The following FRMD3 variants were observed in gnomAD, a reference collection of about 807,000 sequenced individuals.
FRMD3 encodes the protein FERM domain containing 3, also known as FERM domain-containing protein 3.
In FRMD3, 33 loss-of-function variants were observed where a neutral mutation model predicts 70.2. The observed-to-expected ratio is 0.47, with a 90% CI of 0.36 to 0.63. FRMD3 has a LOEUF of 0.63. FRMD3 is among the 20% of genes least tolerant of loss of function. FRMD3 has a pLI of 0.00. For missense variants in FRMD3, 632 were observed against 711.4 expected (o/e 0.89, Z 1.27); for synonymous variants, 279 against 255.9 (o/e 1.09, Z -0.86).
chr9:83,367,223 A>T (rs557210473), intron 3 of FRMD3, among the ~76,000 whole-genome samples: 1 of 152,208 alleles, frequency 6.6e-6, no homozygotes, highest in Non-Finnish European at 1.5e-5. Flanking sequence ...CTCAGTCCAC[A>T]TTTGTACCTA....
At chr9:83,388,417 T>C (rs1163598877) in intron 2 of FRMD3, among the ~76,000 whole-genome samples, 2 of 152,044 alleles carry the variant, frequency 1.3e-5, no homozygotes, top group Non-Finnish European at 2.9e-5. Context: ...GGTGACCCCT[T>C]CACACACTAT....
At chr9:83,347,674 G>A (rs916739612) in intron 4 of FRMD3, among the ~76,000 whole-genome samples, 1 of 152,116 alleles carries the variant, frequency 6.6e-6, no homozygotes, top group Non-Finnish European at 1.5e-5. Flanking sequence ...GCATGGTCAT[G>A]AATATGATCG....
chr9:83,456,435 T>A (rs28526193), intron 1 of FRMD3, among the ~76,000 whole-genome samples: 94 of 152,234 alleles, frequency 6.2e-4, no homozygotes, highest in African/African-American at 2.2e-3. Context: ...AACTGTTGAG[T>A]CAGAGAGAGA....
At position 83,479,719 on chromosome 9, in the gene FRMD3, AG is replaced by A. The variant is rs1828508896; in HGVS notation, c.147+58365del. 2.8e-5 allele frequency among the ~76,000 whole-genome samples: 2 copies of A among 72,188 alleles called. 1 individual carries two copies. Among genetic ancestry groups the A allele is most frequent in the Non-Finnish European group, 5.4e-5 (2 of 36,998 alleles). 47.4% of individuals were successfully genotyped at this position (72,188 alleles called of 152,430 possible). A position where few individuals can be genotyped will look rare whatever the true frequency, so the allele number is the denominator to read the frequency against. ...AAGAAAGAAAGAAAGAAAGAAAGAAAGAAAAGAAAGGGAAAGAAAGAAAAAG... is the reference window on the plus strand; with the variant it reads ...AAGAAAGAAAGAAAGAAAGAAAGAAAAAAAGAAAGGGAAAGAAAGAAAAAG... On this transcript the variant is annotated intron_variant, in intron 1 of 13. Coordinates refer to ENST00000304195, the MANE Select transcript of FRMD3 (RefSeq NM_174938.6).
At chr9:83,309,970 T>A (rs1289169633) in intron 9 of FRMD3, among the ~76,000 whole-genome samples, 1 of 152,176 alleles carries the variant, frequency 6.6e-6, no homozygotes, top group Non-Finnish European at 1.5e-5. Context: ...TGAAAACTCA[T>A]GACAAGAAAA....
intron 1 of FRMD3, among the ~76,000 whole-genome samples, chr9:83,464,633 T>C (rs917843694): frequency 6.6e-6 from 1 of 152,100 alleles, no homozygotes; most frequent in Non-Finnish European, 1.5e-5. Flanking sequence ...GACCTACAAC[T>C]CTTTCTGGTG....
At chr9:83,299,266 G>C (rs1022619217) in intron 10 of FRMD3, 80 bp from the exon 11 acceptor site, 4 of 802,282 alleles carry the variant, frequency 5.0e-6, no homozygotes, top group Non-Finnish European at 8.3e-6. Flanking sequence ...TGGTGATGGG[G>C]TATTTTTACT....
At chr9:83,301,356 A>T (rs1260734970) in intron 10 of FRMD3, among the ~76,000 whole-genome samples, 1 of 152,192 alleles carries the variant, frequency 6.6e-6, no homozygotes, top group Non-Finnish European at 1.5e-5. Flanking sequence ...CTGGAGCCTG[A>T]GAAAAGGACA....
intron 1 of FRMD3, among the ~76,000 whole-genome samples, chr9:83,496,245 T>C (rs1289775195): frequency 2.0e-5 from 3 of 152,316 alleles, no homozygotes; most frequent in South Asian, 4.1e-4. Context: ...AATAAATAAC[T>C]GTATAAATAG....
chr9:83,376,082 C>T (rs1052124395), intron 2 of FRMD3, among the ~76,000 whole-genome samples: 4 of 151,272 alleles, frequency 2.6e-5, no homozygotes, highest in Non-Finnish European at 5.9e-5. Flanking sequence ...ATCGCTTGAA[C>T]CCAGGAGGCA....
At chr9:83,306,673 T>A (rs1016889676) in intron 10 of FRMD3, among the ~76,000 whole-genome samples, 1 of 152,114 alleles carries the variant, frequency 6.6e-6, no homozygotes, top group East Asian at 1.9e-4. Context: ...GCCTTATCAA[T>A]CTGAGCTAGT....
chr9:83,446,369 C>T (rs1373551467), intron 1 of FRMD3, among the ~76,000 whole-genome samples: 2 of 152,148 alleles, frequency 1.3e-5, no homozygotes, highest in Non-Finnish European at 2.9e-5. Flanking sequence ...CTCTGTTGGC[C>T]GGGCGCGGTG....
Position 83,451,038 on chromosome 9 carries a change from G to A in FRMD3, c.148-61330C>T, listed in dbSNP as rs112324385. On this transcript the variant is annotated intron_variant, in intron 1 of 13. Transcript: ENST00000304195. Reference sequence around the variant, plus strand: ...CCTTCAACCCGAGAGCAACGAACACGAGTTCCCTAAATCACGAGCAATTTG... The same window carrying A: ...CCTTCAACCCGAGAGCAACGAACACAAGTTCCCTAAATCACGAGCAATTTG... Among the ~76,000 whole-genome samples the A allele has an allele frequency of 4.3e-3, 661 of 152,282 alleles. 3 individuals are homozygous for A. The highest frequency in any genetic ancestry group is 0.015 in the African/African-American group (629 of 41,542).
intron 1 of FRMD3, among the ~76,000 whole-genome samples, chr9:83,515,915 A>T (rs527612823): frequency 1.3e-5 from 2 of 152,322 alleles, no homozygotes; most frequent in East Asian, 1.9e-4. Context: ...AGGCAAGCAA[A>T]TGCTGAAGGA....
intron 13 of FRMD3, chr9:83,267,347 A>C: frequency 7.3e-7 from 1 of 1,365,230 alleles, no homozygotes; most frequent in Non-Finnish European, 9.5e-7. Flanking sequence ...CTCTCCACTC[A>C]CCCCTCTAAC....
At chr9:83,300,153 G>A (rs1317527336) in intron 10 of FRMD3, among the ~76,000 whole-genome samples, 3 of 152,318 alleles carry the variant, frequency 2.0e-5, no homozygotes, top group Non-Finnish European at 4.4e-5. Flanking sequence ...CCACCCTTGA[G>A]CCTCTTGAAG....
chr9:83,545,997 A>G, the FRMD3 span, among the ~76,000 whole-genome samples: 3 of 151,870 alleles, frequency 2.0e-5, no homozygotes, highest in African/African-American at 7.3e-5. Context: ...CATCACACTA[A>G]CAGCAGACTT....
chr9:83,312,784 C>T (rs1835414262), intron 7 of FRMD3, among the ~76,000 whole-genome samples: 1 of 152,058 alleles, frequency 6.6e-6, no homozygotes, highest in Non-Finnish European at 1.5e-5. Flanking sequence ...CCCTCCTCCC[C>T]AGCAGATCCT....
At chr9:83,445,341 A>G (rs62560275) in intron 1 of FRMD3, among the ~76,000 whole-genome samples, 8 of 146,660 alleles carry the variant, frequency 5.5e-5, no homozygotes, top group African/African-American at 1.5e-4. Context: ...CTCAAAAATA[A>G]ATAGATAGAT....
Sources: allele counts gnomAD v4.1 joint callset (sites outside exome capture counted in the v4.1 genomes callset), GRCh38; gene constraint gnomAD v4.1.1; transcripts MANE v1.5; gene names NCBI Gene and HGNC (gene_info 2026-07-23, HGNC 2026-07-21).